The following MLLT10 variants were observed in gnomAD, a reference collection of about 807,000 sequenced individuals.
MLLT10 encodes the protein protein AF-10.
In MLLT10, 30 loss-of-function variants were observed where a neutral mutation model predicts 129.1. The ratio of observed to expected loss-of-function variants is 0.23; its 90% CI spans 0.17 to 0.32. The LOEUF (loss-of-function observed/expected upper bound fraction) is 0.32. Among genes scored for constraint, MLLT10 ranks in the 10% least tolerant of loss-of-function variants. The probability of loss-of-function intolerance (pLI) is 1.00; values close to 1 mark genes in which losing one functional copy is unlikely to be tolerated. For synonymous variants in MLLT10, 490 were observed against 446.4 expected, an observed-to-expected ratio of 1.10 and a Z score of -1.23; for missense variants, 1,119 against 1,268.3, an observed-to-expected ratio of 0.88 and a Z score of 1.79.
chr10:21,738,256 A>G lies in MLLT10; in HGVS notation c.2956-1774A>G, dbSNP rs551948348. On this transcript the variant is annotated intron_variant, in intron 21 of 22. Coordinates refer to ENST00000307729, the MANE Select transcript of MLLT10 (RefSeq NM_001195626.3). ...CACTCCAGCCTGGACAACTAGAGCG[A>G]GACTCGGTCTCAAAAAAAAAAAATC... The G allele has an allele frequency of 1.4e-3, 369 of 256,842 alleles. 4 individuals are homozygous for G. Among genetic ancestry groups the G allele is most frequent in the African/African-American group, 8.2e-3 (353 of 43,268 alleles). 15.9% of individuals were successfully genotyped at this position (256,842 alleles called of 1,614,324 possible). A position where few individuals can be genotyped will look rare whatever the true frequency, so the allele number is the denominator to read the frequency against.
intron 13 of MLLT10, among the ~76,000 whole-genome samples, chr10:21,689,546 AAT>A (rs370885697): frequency 0.07 from 7,561 of 108,102 alleles, 386 homozygotes; most frequent in African/African-American, 0.14. Context: ...TGTGTAAAGT[AAT>A]ATATATATAT....
intron 8 of MLLT10, among the ~76,000 whole-genome samples, chr10:21,638,504 T>A (rs934741421): frequency 6.6e-6 from 1 of 151,974 alleles, no homozygotes; most frequent in Non-Finnish European, 1.5e-5. Context: ...TGGGTCCAGG[T>A]GGGATAGTGA....
At chr10:21,560,377 A>AG (rs2038650725) in intron 3 of MLLT10, among the ~76,000 whole-genome samples, 1 of 152,172 alleles carries the variant, frequency 6.6e-6, no homozygotes, top group African/African-American at 2.4e-5. Flanking sequence ...CAATGCATGA[A>AG]GGTTCAGTCT....
chr10:21,633,556 G>A (rs1034962920), intron 8 of MLLT10, among the ~76,000 whole-genome samples: 1 of 152,138 alleles, frequency 6.6e-6, no homozygotes, highest in African/African-American at 2.4e-5. Context: ...GCTGGGCATG[G>A]TGGTATGCAC....
intron 13 of MLLT10, among the ~76,000 whole-genome samples, chr10:21,704,492 C>T (rs953983900): frequency 1.3e-5 from 2 of 151,256 alleles, no homozygotes; most frequent in African/African-American, 4.8e-5. Context: ...TATTTTGTAT[C>T]GCACATAGCT....
intron 10 of MLLT10, among the ~76,000 whole-genome samples, chr10:21,673,112 C>T (rs2051645599): frequency 1.3e-5 from 2 of 152,014 alleles, no homozygotes; most frequent in South Asian, 4.1e-4. Flanking sequence ...TAATAGCTTG[C>T]AATTCCACAG....
intron 9 of MLLT10, chr10:21,669,086 T>C (rs1296254787): frequency 7.6e-7 from 1 of 1,318,934 alleles, no homozygotes; most frequent in East Asian, 3.8e-5. Context: ...TTAAATGTAA[T>C]TGGTTTGTAA....
At chr10:21,617,896 G>A (rs746444249) in intron 8 of MLLT10, among the ~76,000 whole-genome samples, 17 of 152,048 alleles carry the variant, frequency 1.1e-4, no homozygotes, top group Non-Finnish European at 1.8e-4. Flanking sequence ...GGTGGTGGGC[G>A]CCTGTAGTCC....
At chr10:21,688,677 ATAAC>A (rs1181343175) in intron 13 of MLLT10, 11 of 615,826 alleles carry the variant, frequency 1.8e-5, no homozygotes, top group African/African-American at 1.1e-4. Context: ...GGAATTATCT[ATAAC>A]CTTGGGTGGT....
chr10:21,692,328 T>G (rs1243193), intron 13 of MLLT10, among the ~76,000 whole-genome samples: 35,653 of 151,522 alleles, frequency 0.24, 5,175 homozygotes, highest in Middle Eastern at 0.47. Flanking sequence ...GTTATATTAT[T>G]ATTATTATTA....
upstream of MLLT10, chr10:21,534,228 G>C (rs1363183276): frequency 2.5e-6 from 1 of 396,696 alleles, no homozygotes; most frequent in Non-Finnish European, 4.4e-6. Context: ...GCCGCAGGAC[G>C]GGCGCGCACG....
intron 3 of MLLT10, among the ~76,000 whole-genome samples, chr10:21,580,449 C>T (rs1260345486): frequency 2.0e-5 from 3 of 148,556 alleles, no homozygotes; most frequent in Non-Finnish European, 3.0e-5. Context: ...AGTGCAGTGG[C>T]ATGATCTTGG....
At chr10:21,628,840 A>G (rs1394063813) in intron 8 of MLLT10, among the ~76,000 whole-genome samples, 2 of 149,718 alleles carry the variant, frequency 1.3e-5, no homozygotes, top group Admixed American at 6.7e-5. Flanking sequence ...TCTGCTCCCA[A>G]GTTCACAAGT....
At chr10:21,653,695 G>A (rs2049278458) in intron 9 of MLLT10, among the ~76,000 whole-genome samples, 1 of 152,020 alleles carries the variant, frequency 6.6e-6, no homozygotes, top group African/African-American at 2.4e-5. Context: ...TTGGTTGAGG[G>A]GTGCTATCCT....
chr10:21,737,203 C>T (rs1202255955), intron 21 of MLLT10, among the ~76,000 whole-genome samples: 2 of 152,180 alleles, frequency 1.3e-5, no homozygotes, highest in Admixed American at 6.5e-5. Context: ...CTGTTTCTTT[C>T]TTAAAGGTTG....
intron 11 of MLLT10, among the ~76,000 whole-genome samples, chr10:21,678,933 C>T (rs1331692944): frequency 3.3e-5 from 5 of 152,158 alleles, no homozygotes; most frequent in Non-Finnish European, 7.3e-5. Context: ...GGAGTAGAGT[C>T]AGGTTCTAAT....
chr10:21,559,466 A>G (rs1263085202), intron 3 of MLLT10, among the ~76,000 whole-genome samples: 1 of 152,238 alleles, frequency 6.6e-6, no homozygotes, highest in Non-Finnish European at 1.5e-5. Flanking sequence ...TCATTGTGGT[A>G]AAATACACAT....
intron 1 of MLLT10, 62 bp from the exon 2 acceptor site, chr10:21,534,583 T>TGGG: frequency 7.1e-6 from 9 of 1,267,100 alleles, no homozygotes; most frequent in Non-Finnish European, 9.2e-6. Flanking sequence ...GGGGGCTGTG[T>TGGG]GGGGGGGAAG....
intron 11 of MLLT10, among the ~76,000 whole-genome samples, chr10:21,677,205 G>A (rs2052258974): frequency 6.6e-6 from 1 of 152,192 alleles, no homozygotes; most frequent in Admixed American, 6.5e-5. Flanking sequence ...TTTAAGCAAA[G>A]AGATCCCTGA....
Sources: gnomAD v4.1 joint callset for allele counts (sites outside exome capture counted in the v4.1 genomes callset) on GRCh38, gnomAD v4.1.1 for gene constraint, MANE v1.5 for transcripts, NCBI Gene and HGNC (gene_info 2026-07-23, HGNC 2026-07-21) for gene names.